PDE3A: variants seen among roughly 807,000 people sequenced by gnomAD.
PDE3A encodes the protein phosphodiesterase 3A, also known as cGMP-inhibited 3',5'-cyclic phosphodiesterase 3A.
PDE3A carries 43 observed loss-of-function variants against 98.3 expected under a neutral mutation model. The observed-to-expected ratio is 0.44, with a 90% confidence interval of 0.34 to 0.56. The LOEUF is 0.56. Among genes scored for constraint, PDE3A ranks in the 20% least tolerant of loss-of-function variants. The pLI is 0.01. For missense variants in PDE3A, 1,427 were observed against 1,440.7 expected, an observed-to-expected ratio of 0.99 and a Z score of 0.15; for synonymous variants, 663 against 567.9, an observed-to-expected ratio of 1.17 and a Z score of -2.38.
intron 10 of PDE3A, among the ~76,000 whole-genome samples, chr12:20,640,321 A>AT (rs1354793874): frequency 1.3e-5 from 2 of 152,132 alleles, no homozygotes; most frequent in South Asian, 2.1e-4. Context: ...TAATATGGCT[A>AT]TTTTTTGGAA....
intron 1 of PDE3A, among the ~76,000 whole-genome samples, chr12:20,413,774 C>T (rs1201579441): frequency 6.6e-6 from 1 of 152,050 alleles, no homozygotes; most frequent in African/African-American, 2.4e-5. Flanking sequence ...TAGCCATTCA[C>T]CTGCATTATG....
At chr12:20,527,182 G>A (rs1370292805) in intron 1 of PDE3A, among the ~76,000 whole-genome samples, 2 of 152,032 alleles carry the variant, frequency 1.3e-5, no homozygotes, top group Admixed American at 6.6e-5. Flanking sequence ...GATTACAGGG[G>A]TGAGCCACTG....
At chr12:20,653,675 C>A (rs1944972967) in intron 14 of PDE3A, among the ~76,000 whole-genome samples, 1 of 152,136 alleles carries the variant, frequency 6.6e-6, no homozygotes, top group African/African-American at 2.4e-5. Flanking sequence ...CATTTATATT[C>A]TCATATAAAA....
intron 15 of PDE3A, among the ~76,000 whole-genome samples, chr12:20,676,720 C>A (rs1259819885): frequency 6.6e-6 from 1 of 152,020 alleles, no homozygotes. Flanking sequence ...AGGATTGTCT[C>A]GATCTCCTGA....
chr12:20,496,045 C>T (rs555109356), intron 1 of PDE3A, among the ~76,000 whole-genome samples: 14 of 152,148 alleles, frequency 9.2e-5, no homozygotes, highest in East Asian at 7.7e-4. Context: ...CCCCCTCTTT[C>T]GTACTCTTAA....
At chr12:20,431,072 G>T (rs958181436) in intron 1 of PDE3A, among the ~76,000 whole-genome samples, 1 of 151,974 alleles carries the variant, frequency 6.6e-6, no homozygotes, top group Admixed American at 6.6e-5. Context: ...CCCTCAGTTT[G>T]TCTCATTTGT....
rs761363431 is a variant in PDE3A, at chr12:20,646,611, C to T, written c.2365+8C>T. The T allele has an allele frequency of 4.7e-6, 7 of 1,487,846 alleles. No homozygotes were observed. Among genetic ancestry groups the T allele is most frequent in the Admixed American group, 1.7e-5 (1 of 59,834 alleles). 92.2% of individuals were successfully genotyped at this position (1,487,846 alleles called of 1,614,324 possible). ...GTTCAACCAGTGATTCAGGTATGTA[C>T]GAAGTGAATCTGCACTGCCTTATGA... On this transcript the variant is annotated splice_region_variant and intron_variant, in intron 11 of 15. Coordinates refer to ENST00000359062, the MANE Select transcript of PDE3A (RefSeq NM_000921.5).
At chr12:20,420,581 T>A (rs1297733559) in intron 1 of PDE3A, among the ~76,000 whole-genome samples, 2 of 152,070 alleles carry the variant, frequency 1.3e-5, no homozygotes, top group African/African-American at 4.8e-5. Context: ...TCAGGGCAAT[T>A]GTACACGTAT....
chr12:20,629,580 T>G (rs1406884452), intron 5 of PDE3A, among the ~76,000 whole-genome samples: 1 of 152,162 alleles, frequency 6.6e-6, no homozygotes, highest in Non-Finnish European at 1.5e-5. Context: ...AACTATTATT[T>G]CCATGTCAGA....
At chr12:20,652,306 A>T (rs1057338004) in intron 14 of PDE3A, among the ~76,000 whole-genome samples, 1 of 152,192 alleles carries the variant, frequency 6.6e-6, no homozygotes, top group Non-Finnish European at 1.5e-5. Context: ...GCTGGGTCAA[A>T]TGGTATTTCT....
At chr12:20,436,903 T>C (rs1004324019) in intron 1 of PDE3A, among the ~76,000 whole-genome samples, 3 of 152,238 alleles carry the variant, frequency 2.0e-5, no homozygotes, top group African/African-American at 7.2e-5. Flanking sequence ...GATATTGAAC[T>C]AGCTTTCCCC....
At chr12:20,637,317 A>T in intron 9 of PDE3A, 80 bp downstream of exon 9, 1 of 1,043,858 alleles carries the variant, frequency 9.6e-7, no homozygotes, top group Admixed American at 2.6e-5. Flanking sequence ...TAAATTCTTG[A>T]CACTTGTGGA....
chr12:20,431,177 T>C (rs1378014248), intron 1 of PDE3A, among the ~76,000 whole-genome samples: 2 of 152,152 alleles, frequency 1.3e-5, no homozygotes, highest in Non-Finnish European at 1.5e-5. Flanking sequence ...CTGAAACAGG[T>C]TGATTATCTA....
chr12:20,654,996 A>G (rs1301345077), intron 15 of PDE3A, among the ~76,000 whole-genome samples: 1 of 152,064 alleles, frequency 6.6e-6, no homozygotes, highest in Non-Finnish European at 1.5e-5. Context: ...CAGGTACTAG[A>G]GATAGAGTTG....
At chr12:20,442,820 A>G (rs1944891692) in intron 1 of PDE3A, among the ~76,000 whole-genome samples, 1 of 152,190 alleles carries the variant, frequency 6.6e-6, no homozygotes, top group Non-Finnish European at 1.5e-5. Context: ...TAAACTTAAC[A>G]CAATAAATGT....
At chr12:20,391,502 A>T (rs1943915443) in intron 1 of PDE3A, among the ~76,000 whole-genome samples, 1 of 151,150 alleles carries the variant, frequency 6.6e-6, no homozygotes, top group East Asian at 1.9e-4. Context: ...TCACATAGTT[A>T]AGTTTCCCAC....
intron 1 of PDE3A, chr12:20,371,251 C>T (rs187616662): frequency 2.1e-6 from 1 of 486,346 alleles, no homozygotes; most frequent in Admixed American, 6.4e-5. Context: ...GAACAAATCC[C>T]AATTTTAAAT....
chr12:20,475,823 A>G (rs1945523389), intron 1 of PDE3A, among the ~76,000 whole-genome samples: 1 of 152,156 alleles, frequency 6.6e-6, no homozygotes, highest in African/African-American at 2.4e-5. Context: ...AAATGGGCTG[A>G]AGAAACAGGC....
chr12:20,369,511 T>C lies in PDE3A; in HGVS notation c.227T>C (p.Leu76Pro). The C allele has an allele frequency of 6.4e-7, 1 of 1,561,800 alleles. No homozygotes were observed. The change falls in exon 1 of 16, where the codon CTG becomes CCG. Residue 76 changes from leucine (L) to proline (P), a missense_variant. By Grantham distance (98) the Leu-to-Pro change is moderately conservative. Transcript: ENST00000359062. ...GGCTCCCTGTCCTTTCTGCTGGCGC[T>C]GCTGGTGAGGCTGGTCCGCGGGGAG... ...CAGSLSFLLALLVRLVRGEVG... is the reference protein window; with the variant it reads ...CAGSLSFLLAPLVRLVRGEVG...
Sources: gnomAD v4.1 joint callset for allele counts (sites outside exome capture counted in the v4.1 genomes callset) on GRCh38, gnomAD v4.1.1 for gene constraint, MANE v1.5 for transcripts, NCBI Gene and HGNC (gene_info 2026-07-23, HGNC 2026-07-21) for gene names.